Variants in GNB4 observed in about 807,000 individuals in gnomAD.
GNB4 encodes the protein guanine nucleotide-binding protein subunit beta-4.
Under a neutral mutation model 45.2 loss-of-function variants are expected in GNB4, and 28 were observed. The observed-to-expected ratio is 0.62, with a 90% CI of 0.46 to 0.85. The LOEUF (loss-of-function observed/expected upper bound fraction) is 0.85, where lower values mean the gene tolerates loss of function less well. Ranked by LOEUF, GNB4 falls within the 40% of genes least tolerant of loss-of-function variation. The pLI is 0.00. For synonymous variants in GNB4, 132 were observed against 143.7 expected (o/e 0.92, Z 0.58); for missense variants, 321 against 425.4 (o/e 0.75, Z 2.16).
the GNB4 span, among the ~76,000 whole-genome samples, chr3:179,521,328 C>T: frequency 6.6e-6 from 1 of 152,170 alleles, no homozygotes; most frequent in African/African-American, 2.4e-5. Context: ...TCACCAACCT[C>T]AGCCACCAAC....
intron 1 of GNB4, among the ~76,000 whole-genome samples, chr3:179,436,742 A>G (rs1245862549): frequency 1.3e-5 from 2 of 152,214 alleles, no homozygotes; most frequent in African/African-American, 4.8e-5. Flanking sequence ...AGAGGAAAAC[A>G]GAAGTTGCAG....
chr3:179,461,580 T>C, the GNB4 span, among the ~76,000 whole-genome samples: 3 of 152,126 alleles, frequency 2.0e-5, no homozygotes, highest in Admixed American at 6.5e-5. Context: ...ATTGTTTGGG[T>C]CTACATATGA....
At chr3:179,469,810 T>C in the GNB4 span, among the ~76,000 whole-genome samples, 3 of 152,198 alleles carry the variant, frequency 2.0e-5, no homozygotes, top group Admixed American at 1.3e-4. Flanking sequence ...ATTAGGCTAA[T>C]GCAGTTTTAG....
the GNB4 span, among the ~76,000 whole-genome samples, chr3:179,466,471 A>G: frequency 6.6e-6 from 1 of 152,176 alleles, no homozygotes; most frequent in Non-Finnish European, 1.5e-5. Flanking sequence ...GAACAGTTGA[A>G]TTGACCTACC....
intron 9 of GNB4, among the ~76,000 whole-genome samples, chr3:179,403,095 G>C (rs1285284353): frequency 1.3e-5 from 2 of 152,170 alleles, no homozygotes; most frequent in Non-Finnish European, 2.9e-5. Flanking sequence ...GAAAGTGGAA[G>C]ATGGAAAAAG....
chr3:179,407,759 A>G (rs1577026005), intron 8 of GNB4, among the ~76,000 whole-genome samples: 1 of 127,632 alleles, frequency 7.8e-6, no homozygotes, highest in Non-Finnish European at 1.6e-5. Context: ...GTGTGAGAAA[A>G]CTAATCAAGC....
intron 1 of GNB4, among the ~76,000 whole-genome samples, chr3:179,432,228 T>C (rs948042551): frequency 1.3e-5 from 2 of 152,212 alleles, no homozygotes; most frequent in African/African-American, 4.8e-5. Flanking sequence ...TTGTGATGCC[T>C]GTGCCAGACA....
At chr3:179,442,745 G>A (rs1286863549) in intron 1 of GNB4, among the ~76,000 whole-genome samples, 1 of 151,652 alleles carries the variant, frequency 6.6e-6, no homozygotes, top group Non-Finnish European at 1.5e-5. Flanking sequence ...TCCGACCTCA[G>A]CCTACCAAGT....
At chr3:179,431,540 A>G (rs990787779) in intron 1 of GNB4, among the ~76,000 whole-genome samples, 4 of 142,768 alleles carry the variant, frequency 2.8e-5, no homozygotes, top group Non-Finnish European at 4.5e-5. Flanking sequence ...GCCTGGGTGA[A>G]GAGTGAGACT....
At chr3:179,485,706 C>G in the GNB4 span, among the ~76,000 whole-genome samples, 1 of 152,100 alleles carries the variant, frequency 6.6e-6, no homozygotes, top group Non-Finnish European at 1.5e-5. Flanking sequence ...TTTGGGAGGC[C>G]GAGGTGGGTG....
the GNB4 span, among the ~76,000 whole-genome samples, chr3:179,490,422 G>A: frequency 6.6e-6 from 1 of 152,162 alleles, no homozygotes; most frequent in Non-Finnish European, 1.5e-5. Context: ...TACGTAGGTA[G>A]GTAGATCGAT....
chr3:179,479,074 C>A, the GNB4 span, among the ~76,000 whole-genome samples: 1 of 152,170 alleles, frequency 6.6e-6, no homozygotes. Flanking sequence ...ATAAATTACC[C>A]AGTCTCAGGT....
chr3:179,420,135 A>C (rs906743076), intron 3 of GNB4, among the ~76,000 whole-genome samples: 6 of 146,348 alleles, frequency 4.1e-5, no homozygotes, highest in Non-Finnish European at 9.1e-5. Flanking sequence ...AATATATATA[A>C]TTTTTTTTTT....
the GNB4 span, among the ~76,000 whole-genome samples, chr3:179,527,551 C>T: frequency 3.3e-4 from 50 of 152,212 alleles, no homozygotes; most frequent in African/African-American, 1.2e-3. Context: ...AGAAAACTCT[C>T]TGTTTTAGAA....
the GNB4 span, among the ~76,000 whole-genome samples, chr3:179,521,137 G>A: frequency 1.3e-5 from 2 of 152,042 alleles, no homozygotes; most frequent in South Asian, 2.1e-4. Flanking sequence ...AGTCTTGGTA[G>A]ACACAGGGTC....
At chr3:179,472,197 T>C in the GNB4 span, among the ~76,000 whole-genome samples, 4 of 152,074 alleles carry the variant, frequency 2.6e-5, no homozygotes, top group South Asian at 8.3e-4. Context: ...AACATGTATA[T>C]AGCAATAATA....
intron 8 of GNB4, among the ~76,000 whole-genome samples, chr3:179,406,617 T>TA (rs1714478084): frequency 6.6e-6 from 1 of 151,764 alleles, no homozygotes; most frequent in African/African-American, 2.4e-5. Flanking sequence ...TAATTACTTT[T>TA]TTTTGTTATT....
At chr3:179,441,126 C>T (rs2108617706) in intron 1 of GNB4, among the ~76,000 whole-genome samples, 2 of 152,328 alleles carry the variant, frequency 1.3e-5, no homozygotes, top group Middle Eastern at 6.8e-3. Flanking sequence ...CTGTGCTAGG[C>T]ACAGAAACCC....
At chr3:179,523,635 T>C in the GNB4 span, among the ~76,000 whole-genome samples, 89,272 of 151,930 alleles carry the variant, frequency 0.59, 26,809 homozygotes, top group East Asian at 0.97. Flanking sequence ...TGAGTGATAA[T>C]GAGTTTTAAT....
Sources: allele counts gnomAD v4.1 joint callset (sites outside exome capture counted in the v4.1 genomes callset), GRCh38; gene constraint gnomAD v4.1.1; transcripts MANE v1.5; gene names NCBI Gene and HGNC (gene_info 2026-07-23, HGNC 2026-07-21).